FGFR1: variants seen among roughly 807,000 people sequenced by gnomAD.
FGFR1 encodes FGFR1/PLAG1 fusion.
Under a neutral mutation model 93.7 loss-of-function variants are expected in FGFR1, and 18 were observed. The ratio of observed to expected loss-of-function variants is 0.19; its 90% confidence interval spans 0.13 to 0.28. The LOEUF is 0.28. Ranked by LOEUF, FGFR1 falls within the 10% of genes least tolerant of loss-of-function variation. FGFR1 has a pLI of 1.00. For missense variants in FGFR1, 731 were observed against 1,080.4 expected, an observed-to-expected ratio of 0.68 and a Z score of 4.53; for synonymous variants, 448 against 429.3, an observed-to-expected ratio of 1.04 and a Z score of -0.54.
At chr8:38,461,164 C>T (rs1834312555) in intron 1 of FGFR1, 1 of 1,533,980 alleles carries the variant, frequency 6.5e-7, no homozygotes. Context: ...GCTGTCTTCT[C>T]ACTGGAGTAC....
chr8:38,445,432 A>C (rs1828975524), intron 2 of FGFR1, among the ~76,000 whole-genome samples: 2 of 152,178 alleles, frequency 1.3e-5, no homozygotes, highest in Admixed American at 6.6e-5. Context: ...TAGGCCAATA[A>C]ATTTTTTAAA....
At chr8:38,425,874 C>T (rs1820584280) in intron 6 of FGFR1, 1 of 560,246 alleles carries the variant, frequency 1.8e-6, no homozygotes, top group African/African-American at 1.9e-5. Flanking sequence ...AGGACAGACT[C>T]TGAACAGCAC....
chr8:38,429,835 C>T lies in FGFR1; in HGVS notation c.205G>A (p.Asp69Asn), dbSNP rs1309311395. The T allele has an allele frequency of 3.1e-6, 5 of 1,613,898 alleles. No homozygotes were observed. Among genetic ancestry groups the T allele is most frequent in the Admixed American group, 3.3e-5 (2 of 59,990 alleles). ...DDVQSINWLR[D>N]GVQLAESNRT... ...TTGCTTTCCGCCAGCTGCACCCCGTCCCGCAGCCAGTTGATGCTCTGCACA... is the reference window on the plus strand; with the variant it reads ...TTGCTTTCCGCCAGCTGCACCCCGTTCCGCAGCCAGTTGATGCTCTGCACA... Residue 69 changes from aspartate (D) to asparagine (N), a missense_variant, in exon 3 of 18, where the codon GAC becomes AAC. Physicochemically the swap from Asp to Asn is conservative, Grantham distance 23 (BLOSUM62 1). Coordinates refer to ENST00000447712, the MANE Select transcript of FGFR1 (RefSeq NM_023110.3). The surrounding 1 kb of genome is among the most constrained non-coding windows in gnomAD (Gnocchi z 4.4).
chr8:38,428,315 A>G (rs1821514328), intron 4 of FGFR1, 31 bp downstream of exon 4: 1 of 1,605,808 alleles, frequency 6.2e-7, no homozygotes. Context: ...CCCAGACCCA[A>G]AGGGCAGTAA....
chr8:38,464,718 G>A (rs1400409846), intron 1 of FGFR1, among the ~76,000 whole-genome samples: 1 of 152,094 alleles, frequency 6.6e-6, no homozygotes, highest in African/African-American at 2.4e-5. Flanking sequence ...TTTCCCAGGA[G>A]GAAATTAAAC....
At chr8:38,457,623 G>A (rs2151357796) in intron 1 of FGFR1, 89 bp from the exon 2 acceptor site, 1 of 1,359,068 alleles carries the variant, frequency 7.4e-7, no homozygotes, top group Admixed American at 2.1e-5. Context: ...GCCATGTGGT[G>A]GCTGCTTAAA....
At chr8:38,440,489 C>T (rs751036765) in intron 2 of FGFR1, 29 of 751,354 alleles carry the variant, frequency 3.9e-5, no homozygotes, top group Non-Finnish European at 5.1e-5. Context: ...GAAAGAGAGC[C>T]GGGAGCACCA....
rs542417198 is a variant in FGFR1, at chr8:38,412,602, A to G, written c.*1026T>C. On this transcript the variant is annotated 3_prime_UTR_variant, in exon 18 of 18. Coordinates refer to ENST00000447712, the MANE Select transcript of FGFR1 (RefSeq NM_023110.3). The stretch of plus-strand genomic sequence containing the variant: ...TGAGGTCTGGGTGCAGGACCTAGGA[A>G]GAAGAGGTTACAAGGAACCTGCGCC... The G allele has an allele frequency of 2.0e-3, 478 of 233,564 alleles. 1 individual carries two copies. Among genetic ancestry groups the G allele is most frequent in the Non-Finnish European group, 3.4e-3 (398 of 117,990 alleles). 14.5% of individuals were successfully genotyped at this position (233,564 alleles called of 1,614,324 possible). A position where few individuals can be genotyped will look rare whatever the true frequency, so the allele number is the denominator to read the frequency against.
intron 2 of FGFR1, among the ~76,000 whole-genome samples, chr8:38,442,400 G>A (rs1554581797): frequency 2.4e-5 from 2 of 84,076 alleles, no homozygotes; most frequent in South Asian, 6.3e-4. Context: ...TGTGTGCAGG[G>A]GTCCCACTGC....
At position 38,411,819 on chromosome 8, in the gene FGFR1, G is replaced by A. The variant is rs1814501556; in HGVS notation, c.*1809C>T. 8.7e-6 allele frequency: 2 copies of A among 229,062 alleles called. No individual in the cohort carries two copies. The highest frequency in any genetic ancestry group is 3.6e-4 in the South Asian group (2 of 5,488). 14.2% of individuals were successfully genotyped at this position (229,062 alleles called of 1,614,324 possible). On this transcript the variant is annotated 3_prime_UTR_variant, in exon 18 of 18. Coordinates refer to ENST00000447712, the MANE Select transcript of FGFR1 (RefSeq NM_023110.3). Reference sequence around the variant, plus strand: ...TCCCCCCGTTCCTGAGGGACAGGATGGAGTTTGGACAGGAAGAACTGTAAG... The same window carrying A: ...TCCCCCCGTTCCTGAGGGACAGGATAGAGTTTGGACAGGAAGAACTGTAAG...
In FGFR1 at chr8:38,411,853, A is replaced by G. The variant is rs1586058824; in HGVS notation, c.*1775T>C. The G allele has an allele frequency of 4.4e-6, 1 of 228,902 alleles. No homozygotes were observed. The highest frequency in any genetic ancestry group is 6.2e-5 in the East Asian group (1 of 16,022). The allele number at this position is 228,902 out of a possible 1,614,324, so 14.2% of individuals were successfully genotyped here. On this transcript the variant is annotated 3_prime_UTR_variant, in exon 18 of 18. Transcript: ENST00000447712. ...ACAGGAAGAACTGTAAGAAGCCAAG[A>G]TCTGCGACAGTCCCAACAAATACAG...
At chr8:38,416,137 C>G in intron 12 of FGFR1, 77 bp from the exon 13 acceptor site, 1 of 1,314,180 alleles carries the variant, frequency 7.6e-7, no homozygotes, top group Non-Finnish European at 1.1e-6. Flanking sequence ...AAACCCCACC[C>G]CCAGCAGCAC....
chr8:38,429,710 G>T lies in FGFR1; in HGVS notation c.330C>A (p.Asp110Glu). 2 of 1,572,858 alleles carry T rather than the reference G, an allele frequency of 1.3e-6. No individual in the cohort carries two copies. Among genetic ancestry groups the T allele is most frequent in the Non-Finnish European group, 1.7e-6 (2 of 1,158,706 alleles). The change falls in exon 3 of 18, where the codon GAC (aspartate) becomes GAA (glutamate). Residue 110 changes from aspartate to glutamate, a missense_variant. Asp to Glu is a conservative substitution (Grantham distance 45). Around this residue, in one of 10 missense-constraint regions of FGFR1, gnomAD observed 212 missense variants for 205.8 expected, o/e 1.03. Transcript: ENST00000447712. The surrounding 1 kb of genome is among the most constrained non-coding windows in gnomAD (Gnocchi z 4.4). ...ACVTSSPSGS[D>E]TTYFSVNVSD... The stretch of plus-strand genomic sequence containing the variant: ...AAACATTGACGGAGAAGTAGGTGGT[G>T]TCACTGCCCGAGGGGCTGCTGGTTA...
At chr8:38,457,204 TGA>T (rs1833070486) in intron 2 of FGFR1, 150 bp downstream of exon 2, 2 of 844,062 alleles carry the variant, frequency 2.4e-6, no homozygotes, top group African/African-American at 1.7e-5. Context: ...CCAGGTATCT[TGA>T]GAGTTTCTCC....
At chr8:38,422,109 T>A in intron 7 of FGFR1, 168 bp from the exon 8 acceptor site, 1 of 760,688 alleles carries the variant, frequency 1.3e-6, no homozygotes, top group South Asian at 1.5e-5. Flanking sequence ...CAAAACCTGT[T>A]AGAGGAAGAG....
intron 2 of FGFR1, among the ~76,000 whole-genome samples, chr8:38,450,910 G>A (rs1231348714): frequency 6.6e-5 from 10 of 152,294 alleles, no homozygotes; most frequent in South Asian, 2.1e-4. Flanking sequence ...AGAGGGCCAC[G>A]TGAGCGTCCT....
At chr8:38,462,091 C>T (rs571800195) in intron 1 of FGFR1, among the ~76,000 whole-genome samples, 32 of 152,216 alleles carry the variant, frequency 2.1e-4, no homozygotes, top group Non-Finnish European at 2.2e-4. Context: ...ATCTTAAAAA[C>T]TTGTTATGAA....
intron 12 of FGFR1, 38 bp from the exon 13 acceptor site, chr8:38,416,098 A>C (rs757161070): frequency 6.3e-7 from 1 of 1,578,526 alleles, no homozygotes; most frequent in East Asian, 2.3e-5. Context: ...GGCCAGCAGC[A>C]GGTGAGCAGG....
chr8:38,436,721 G>A (rs936409486), intron 2 of FGFR1, among the ~76,000 whole-genome samples: 3 of 152,032 alleles, frequency 2.0e-5, no homozygotes, highest in Admixed American at 6.6e-5. Flanking sequence ...CCTCAAGGAA[G>A]CAGCTAGAAA....
Sources: gnomAD v4.1 joint callset for allele counts (sites outside exome capture counted in the v4.1 genomes callset) on GRCh38, gnomAD v4.1.1 for gene constraint, gnomAD v4.1.1 regional missense constraint, Gnocchi (gnomAD v3.1) non-coding constraint, MANE v1.5 for transcripts, NCBI Gene and HGNC (gene_info 2026-07-23, HGNC 2026-07-21) for gene names.